The following HPCAL1 variants were observed in gnomAD, a reference collection of about 807,000 sequenced individuals.
The protein encoded by HPCAL1 is hippocalcin like 1.
A neutral mutation model predicts 17.1 loss-of-function variants in HPCAL1; 8 were observed. The ratio of observed to expected loss-of-function variants is 0.47; its 90% CI spans 0.27 to 0.84. The LOEUF (loss-of-function observed/expected upper bound fraction) is 0.84. Ranked by LOEUF, HPCAL1 falls within the 40% of genes least tolerant of loss-of-function variation. The probability of loss-of-function intolerance (pLI) is 0.13; values close to 1 mark genes in which losing one functional copy is unlikely to be tolerated. For missense variants in HPCAL1, 165 were observed against 271.1 expected (o/e 0.61, Z 2.75); for synonymous variants, 112 against 111.4 (o/e 1.01, Z -0.03).
chr2:10,362,543 C>T lies in HPCAL1; in HGVS notation c.-110-34292C>T, dbSNP rs543229913. ...TTTCCTTCAGGAAAGGAAAGGTGAG[C>T]TGGGCGATGGGGAAGGCCTCCACGG... On this transcript the variant is annotated intron_variant, in intron 1 of 4. Coordinates refer to ENST00000307845, the MANE Select transcript of HPCAL1 (RefSeq NM_002149.4). The surrounding 1 kb of genome is among the most constrained non-coding windows in gnomAD (Gnocchi z 5.0). Among the ~76,000 whole-genome samples, 2 of 152,326 alleles carry T rather than the reference C, an allele frequency of 1.3e-5. No homozygotes were observed. Among genetic ancestry groups the T allele is most frequent in the South Asian group, 4.1e-4 (2 of 4,830 alleles).
chr2:10,355,302 T>A (rs913625291), intron 1 of HPCAL1, among the ~76,000 whole-genome samples: 1 of 150,330 alleles, frequency 6.7e-6, no homozygotes, highest in Non-Finnish European at 1.5e-5. Flanking sequence ...ATACAAAAAA[T>A]TAGCCGGGCG....
rs1202065909 is a variant in HPCAL1 at position 10,377,580 on chromosome 2, GC to G, written c.-110-19250del. Reference sequence around the variant, plus strand: ...CGGCAGGGCCCCTGCCACCTCTGAAGCCCCCTGCCAGCTCTCGGCAGCCCCC... The same window carrying G: ...CGGCAGGGCCCCTGCCACCTCTGAAGCCCCTGCCAGCTCTCGGCAGCCCCC... On this transcript the variant is annotated intron_variant, in intron 1 of 4. Coordinates refer to ENST00000307845, the MANE Select transcript of HPCAL1 (RefSeq NM_002149.4). This position sits in a 1 kb window ranked among gnomAD's most constrained non-coding sequence, Gnocchi z 5.9. Among the ~76,000 whole-genome samples, 6 of 151,948 alleles carry G rather than the reference GC, an allele frequency of 3.9e-5. 1 individual carries two copies. Among genetic ancestry groups the G allele is most frequent in the African/African-American group, 1.4e-4 (6 of 41,404 alleles).
In HPCAL1 at chr2:10,377,965, C is replaced by T. The variant is rs973678335; in HGVS notation, c.-110-18870C>T. 1.3e-5 allele frequency among the ~76,000 whole-genome samples: 2 copies of T among 152,092 alleles called. No individual in the cohort carries two copies. Among genetic ancestry groups the T allele is most frequent in the South Asian group, 2.1e-4 (1 of 4,816 alleles). On this transcript the variant is annotated intron_variant, in intron 1 of 4. Coordinates refer to ENST00000307845, the MANE Select transcript of HPCAL1 (RefSeq NM_002149.4). The surrounding 1 kb of genome is among the most constrained non-coding windows in gnomAD (Gnocchi z 5.9). ...TGAGGGCACGGGTGAGGCGGGGAGG[C>T]GTTTCGACTTTGGACTGAAGGCCTT...
chr2:10,378,220 CATGTT>C (rs1667703737), intron 1 of HPCAL1, among the ~76,000 whole-genome samples: 1 of 119,848 alleles, frequency 8.3e-6, no homozygotes, highest in Non-Finnish European at 1.7e-5. Flanking sequence ...AAGGTGGTTT[CATGTT>C]TTTTTTTTTT....
At position 10,365,854 on chromosome 2, in the gene HPCAL1, C is replaced by CG. The variant is rs924957156; in HGVS notation, c.-110-30980dup. 6.6e-6 allele frequency among the ~76,000 whole-genome samples: 1 copy of CG among 152,128 alleles called. No individual in the cohort carries two copies. The highest frequency in any genetic ancestry group is 1.5e-5 in the Non-Finnish European group (1 of 68,020). On this transcript the variant is annotated intron_variant, in intron 1 of 4. Coordinates refer to ENST00000307845, the MANE Select transcript of HPCAL1 (RefSeq NM_002149.4). This position sits in a 1 kb window ranked among gnomAD's most constrained non-coding sequence, Gnocchi z 4.8. ...GGTCCTCTTGCTGCCTCTCTGTGAG[C>CG]GAGCCTCGCCTGCTGGGTGCTGAGC...
chr2:10,383,144 A>G (rs1668076924), intron 1 of HPCAL1, among the ~76,000 whole-genome samples: 2 of 152,348 alleles, frequency 1.3e-5, no homozygotes, highest in South Asian at 4.1e-4. Flanking sequence ...AAGCTGAGGC[A>G]GGAGGACTGC....
chr2:10,416,188 T>C (rs187747136), intron 2 of HPCAL1, among the ~76,000 whole-genome samples: 202 of 152,320 alleles, frequency 1.3e-3, no homozygotes, highest in Admixed American at 6.1e-3. Context: ...AATAGGTCCT[T>C]GCAAAGACCC....
At chr2:10,410,044 C>CT (rs3836106) in intron 2 of HPCAL1, among the ~76,000 whole-genome samples, 38,299 of 151,942 alleles carry the variant, frequency 0.25, 5,099 homozygotes, top group South Asian at 0.41. Flanking sequence ...CTGCCTTGGC[C>CT]TCCTGAAGTG....
chr2:10,317,770 C>T (rs2125396464), intron 1 of HPCAL1, among the ~76,000 whole-genome samples: 1 of 152,312 alleles, frequency 6.6e-6, no homozygotes, highest in South Asian at 2.1e-4. Context: ...ACTGGGGATG[C>T]AAGATAGAGC....
intron 2 of HPCAL1, among the ~76,000 whole-genome samples, chr2:10,418,817 A>G (rs1670848308): frequency 6.6e-6 from 1 of 152,176 alleles, no homozygotes; most frequent in Admixed American, 6.5e-5. Flanking sequence ...TCGTTCCCAC[A>G]GGTGCCTCAT....
chr2:10,319,195 G>T (rs1297688974), intron 1 of HPCAL1, among the ~76,000 whole-genome samples: 1 of 152,176 alleles, frequency 6.6e-6, no homozygotes, highest in African/African-American at 2.4e-5. Context: ...CTTCCCTTGT[G>T]GAAATTTGAG....
At chr2:10,333,237 G>A (rs1397634597) in intron 1 of HPCAL1, among the ~76,000 whole-genome samples, 2 of 152,230 alleles carry the variant, frequency 1.3e-5, no homozygotes, top group Non-Finnish European at 2.9e-5. Flanking sequence ...GAGAGACTCG[G>A]GAAATTACCA....
intron 2 of HPCAL1, among the ~76,000 whole-genome samples, chr2:10,414,836 C>T (rs1048984043): frequency 1.3e-5 from 2 of 152,198 alleles, no homozygotes; most frequent in African/African-American, 4.8e-5. Context: ...AGGTGCAGAA[C>T]ACAGCCTTCT....
rs946751348 is a variant in HPCAL1 at position 10,354,584 on chromosome 2, C to T, written c.-110-42251C>T. On this transcript the variant is annotated intron_variant, in intron 1 of 4. Coordinates refer to ENST00000307845, the MANE Select transcript of HPCAL1 (RefSeq NM_002149.4). The surrounding 1 kb of genome is among the most constrained non-coding windows in gnomAD (Gnocchi z 5.1). ...CCAGGGCTCATCGCACAGCCATGGC[C>T]GAGGTGTCGGGACTCAAATTCCGGG... Among the ~76,000 whole-genome samples, 15 of 152,180 alleles carry T rather than the reference C, an allele frequency of 9.9e-5. No individual in the cohort carries two copies. Among genetic ancestry groups the T allele is most frequent in the African/African-American group, 3.4e-4 (14 of 41,442 alleles).
chr2:10,305,847 C>T (rs189841641), intron 1 of HPCAL1, among the ~76,000 whole-genome samples: 32 of 152,288 alleles, frequency 2.1e-4, no homozygotes, highest in African/African-American at 6.7e-4. Context: ...GTGCAAACGC[C>T]CCAGCCAGGC....
chr2:10,411,892 C>T (rs1347174867), intron 2 of HPCAL1, among the ~76,000 whole-genome samples: 2 of 152,210 alleles, frequency 1.3e-5, no homozygotes, highest in African/African-American at 2.4e-5. Flanking sequence ...TCTGTGGGTT[C>T]CTCACCAGCC....
At chr2:10,406,625 C>A (rs1248452564) in intron 2 of HPCAL1, among the ~76,000 whole-genome samples, 2 of 152,240 alleles carry the variant, frequency 1.3e-5, no homozygotes, top group Non-Finnish European at 2.9e-5. Context: ...GAGGAAGTCC[C>A]AGGCTCTGTG....
At chr2:10,423,120 T>G in intron 4 of HPCAL1, 32 bp downstream of exon 4, 1 of 1,481,398 alleles carries the variant, frequency 6.8e-7, no homozygotes, top group Non-Finnish European at 9.4e-7. Context: ...GCTGCATGTG[T>G]ACGCCACGGT....
chr2:10,402,610 C>T (rs899476397), intron 2 of HPCAL1, among the ~76,000 whole-genome samples: 10 of 152,174 alleles, frequency 6.6e-5, no homozygotes, highest in Admixed American at 1.3e-4. Flanking sequence ...CTGTGCCTAG[C>T]GTTTCAGCCG....
Sources: gnomAD v4.1 joint callset for allele counts (sites outside exome capture counted in the v4.1 genomes callset) on GRCh38, gnomAD v4.1.1 for gene constraint, Gnocchi (gnomAD v3.1) non-coding constraint, MANE v1.5 for transcripts, NCBI Gene and HGNC (gene_info 2026-07-23, HGNC 2026-07-21) for gene names.